The following TTC28 variants were observed in gnomAD, a reference collection of about 807,000 sequenced individuals.
The protein encoded by TTC28 is tetratricopeptide repeat protein 28.
A neutral mutation model predicts 198.0 loss-of-function variants in TTC28; 61 were observed. The observed-to-expected ratio is 0.31, with a 90% CI of 0.25 to 0.38. TTC28 has a LOEUF of 0.38. TTC28 is among the 10% of genes least tolerant of loss of function. The pLI, the probability that TTC28 is intolerant of heterozygous loss-of-function variation, is 1.00. For missense variants in TTC28, 2,678 were observed against 3,164.0 expected (o/e 0.85, Z 3.69); for synonymous variants, 1,171 against 1,297.8 (o/e 0.90, Z 2.10).
intron 5 of TTC28, among the ~76,000 whole-genome samples, chr22:28,194,287 G>A (rs8138645): frequency 0.32 from 44,695 of 141,208 alleles, 6,845 homozygotes; most frequent in Non-Finnish European, 0.36. Context: ...AAAGCAGTGC[G>A]TAGAGGGAAA....
chr22:28,312,520 C>T (rs1175102260), intron 2 of TTC28, among the ~76,000 whole-genome samples: 1 of 152,168 alleles, frequency 6.6e-6, no homozygotes. Flanking sequence ...TCTCTCAGAC[C>T]ACAGTGCAAT....
chr22:28,200,406 A>G (rs1362202881), intron 5 of TTC28, among the ~76,000 whole-genome samples: 1 of 152,296 alleles, frequency 6.6e-6, no homozygotes, highest in South Asian at 2.1e-4. Flanking sequence ...ATTAATTACA[A>G]TTCAAACAGT....
chr22:28,296,025 A>T (rs2044887361), intron 5 of TTC28, among the ~76,000 whole-genome samples, 173 bp downstream of exon 5: 2 of 152,206 alleles, frequency 1.3e-5, no homozygotes, highest in African/African-American at 4.8e-5. Context: ...CTATGCTTGG[A>T]TATATAGAAC....
intron 2 of TTC28, among the ~76,000 whole-genome samples, chr22:28,560,793 T>A: frequency 6.6e-6 from 1 of 152,116 alleles, no homozygotes; most frequent in African/African-American, 2.4e-5. Context: ...AGTCTCCCTC[T>A]GTCACCCAGG....
chr22:28,440,162 T>C (rs2047596088), intron 2 of TTC28, among the ~76,000 whole-genome samples: 1 of 152,162 alleles, frequency 6.6e-6, no homozygotes, highest in Admixed American at 6.5e-5. Flanking sequence ...TTTATACAAT[T>C]GAATGAATTT....
intron 1 of TTC28, among the ~76,000 whole-genome samples, chr22:28,679,400 C>G (rs1489107551): frequency 1.3e-5 from 2 of 152,172 alleles, no homozygotes; most frequent in African/African-American, 2.4e-5. Context: ...CCCATACACA[C>G]CCTCACACAC....
At chr22:28,580,342 CT>C (rs954292751) in intron 2 of TTC28, among the ~76,000 whole-genome samples, 24 of 152,058 alleles carry the variant, frequency 1.6e-4, no homozygotes, top group African/African-American at 5.1e-4. Flanking sequence ...TTTTAATTTA[CT>C]TTTTCATGAG....
intron 6 of TTC28, among the ~76,000 whole-genome samples, chr22:28,138,709 C>A (rs1160710647): frequency 2.6e-5 from 4 of 152,164 alleles, no homozygotes; most frequent in Non-Finnish European, 5.9e-5. Context: ...ACAGGCAGTA[C>A]GTGAGAGACC....
chr22:28,163,432 C>T lies in TTC28; in HGVS notation c.1101G>A (p.Met367Ile). 1 of 1,551,788 alleles carries T rather than the reference C, an allele frequency of 6.4e-7. No individual in the cohort carries two copies. Among genetic ancestry groups the T allele is most frequent in the Non-Finnish European group, 8.7e-7 (1 of 1,147,006 alleles). ...LGNMGAVYIA[M>I]GDFENAVQCH... ...ACTGCACAGCATTCTCAAAGTCACC[C>T]ATGGCAATATACACAGCTCCCATGT... The change falls in exon 6 of 23, where the codon ATG (methionine) becomes ATA (isoleucine). Residue 367 changes from methionine to isoleucine, a missense_variant. Physicochemically the swap from Met to Ile is conservative, Grantham distance 10. Coordinates refer to ENST00000397906, the MANE Select transcript of TTC28 (RefSeq NM_001145418.2).
intron 3 of TTC28, among the ~76,000 whole-genome samples, chr22:28,305,457 T>C (rs181400683): frequency 6.6e-6 from 1 of 152,192 alleles, no homozygotes; most frequent in Admixed American, 6.5e-5. Context: ...ACCAAATGAG[T>C]ACTGTTTAGT....
intron 12 of TTC28, among the ~76,000 whole-genome samples, chr22:28,078,875 C>A (rs1351222094): frequency 6.6e-6 from 1 of 152,058 alleles, no homozygotes; most frequent in African/African-American, 2.4e-5. Flanking sequence ...CCAGTCACAA[C>A]AAGAGCAGGG....
chr22:28,231,864 T>C (rs1032646760), intron 5 of TTC28, among the ~76,000 whole-genome samples: 8 of 152,206 alleles, frequency 5.3e-5, no homozygotes, highest in Admixed American at 4.6e-4. Flanking sequence ...AAATAATCAA[T>C]GGTGTGAAGA....
intron 2 of TTC28, among the ~76,000 whole-genome samples, chr22:28,326,545 C>T (rs2045532679): frequency 6.6e-6 from 1 of 152,028 alleles, no homozygotes; most frequent in Admixed American, 6.6e-5. Flanking sequence ...TTTTTCACAG[C>T]ATTGGCATGT....
At chr22:28,624,621 G>C (rs2051049697) in intron 2 of TTC28, among the ~76,000 whole-genome samples, 2 of 152,062 alleles carry the variant, frequency 1.3e-5, no homozygotes, top group African/African-American at 2.4e-5. Flanking sequence ...GAAAAGTACA[G>C]ATAAAGATAA....
intron 1 of TTC28, among the ~76,000 whole-genome samples, chr22:28,652,606 T>C (rs2051581413): frequency 6.6e-6 from 1 of 152,234 alleles, no homozygotes; most frequent in African/African-American, 2.4e-5. Flanking sequence ...AATACAGATG[T>C]CTGGTAACAC....
At chr22:28,620,416 A>G (rs2050975910) in intron 2 of TTC28, among the ~76,000 whole-genome samples, 1 of 152,240 alleles carries the variant, frequency 6.6e-6, no homozygotes, top group Non-Finnish European at 1.5e-5. Context: ...TTCAGCTTAC[A>G]TAATTCTGAC....
chr22:28,510,738 AT>A (rs915171470), intron 2 of TTC28, among the ~76,000 whole-genome samples: 2 of 152,144 alleles, frequency 1.3e-5, no homozygotes, highest in African/African-American at 4.8e-5. Flanking sequence ...AGATGACATG[AT>A]CCTGTATCTA....
At chr22:28,253,483 A>G (rs1465168639) in intron 5 of TTC28, among the ~76,000 whole-genome samples, 1 of 152,188 alleles carries the variant, frequency 6.6e-6, no homozygotes, top group Admixed American at 6.5e-5. Flanking sequence ...GCTCTCTCCT[A>G]CATGCAGATT....
At chr22:28,028,565 G>A (rs983468244) in intron 13 of TTC28, among the ~76,000 whole-genome samples, 1 of 152,172 alleles carries the variant, frequency 6.6e-6, no homozygotes, top group Non-Finnish European at 1.5e-5. Context: ...GGTCACCATG[G>A]ATGCCTGACT....
Sources: gnomAD v4.1 joint callset for allele counts (sites outside exome capture counted in the v4.1 genomes callset) on GRCh38, gnomAD v4.1.1 for gene constraint, MANE v1.5 for transcripts, NCBI Gene and HGNC (gene_info 2026-07-23, HGNC 2026-07-21) for gene names.